MARK1: variants seen among roughly 807,000 people sequenced by gnomAD.
MARK1 encodes the protein microtubule affinity regulating kinase 1.
In MARK1, 40 loss-of-function variants were observed where a neutral mutation model predicts 96.3. That is an observed-to-expected ratio of 0.42 (90% CI 0.32 to 0.54). MARK1 has a LOEUF of 0.54. Ranked by LOEUF, MARK1 falls within the 20% of genes least tolerant of loss-of-function variation. The pLI is 0.16. For synonymous variants in MARK1, 317 were observed against 341.2 expected (o/e 0.93, Z 0.78); for missense variants, 719 against 984.6 (o/e 0.73, Z 3.61).
intron 13 of MARK1, among the ~76,000 whole-genome samples, chr1:220,649,182 G>T (rs981283497): frequency 6.6e-6 from 1 of 151,836 alleles, no homozygotes; most frequent in African/African-American, 2.4e-5. Context: ...TAATGCGTCT[G>T]CATAATCGAA....
chr1:220,605,560 C>A (rs1364462557), intron 6 of MARK1, among the ~76,000 whole-genome samples: 2 of 151,470 alleles, frequency 1.3e-5, no homozygotes, highest in African/African-American at 2.4e-5. Flanking sequence ...TACATGTGCA[C>A]AACATGCAGG....
intron 9 of MARK1, chr1:220,626,338 G>A (rs2102991766): frequency 1.8e-6 from 1 of 548,584 alleles, no homozygotes; most frequent in Admixed American, 1.9e-5. Context: ...TCCTAAGTAG[G>A]GAGAGAACTT....
chr1:220,587,312 CCTCT>C (rs1437197304), intron 3 of MARK1, among the ~76,000 whole-genome samples: 8 of 127,840 alleles, frequency 6.3e-5, no homozygotes, highest in South Asian at 3.0e-4. Flanking sequence ...TCCCTCCCTC[CCTCT>C]CTCTCTCTTT....
chr1:220,543,817 A>G (rs1490440473), intron 1 of MARK1, among the ~76,000 whole-genome samples: 3 of 152,098 alleles, frequency 2.0e-5, no homozygotes, highest in African/African-American at 7.2e-5. Flanking sequence ...CTCCCTCCCA[A>G]TCTTTGTTCT....
chr1:220,575,086 G>A (rs1251423297), intron 1 of MARK1, among the ~76,000 whole-genome samples: 1 of 152,146 alleles, frequency 6.6e-6, no homozygotes, highest in African/African-American at 2.4e-5. Context: ...TTAAAGGCGG[G>A]GAAAATTCTC....
chr1:220,571,483 C>T (rs1558266611), intron 1 of MARK1, among the ~76,000 whole-genome samples: 1 of 152,124 alleles, frequency 6.6e-6, no homozygotes, highest in Non-Finnish European at 1.5e-5. Flanking sequence ...TCACTGACAA[C>T]ATCCACCATC....
intron 13 of MARK1, among the ~76,000 whole-genome samples, chr1:220,646,811 C>T (rs1046155122): frequency 1.3e-5 from 2 of 152,098 alleles, no homozygotes; most frequent in African/African-American, 4.8e-5. Context: ...GAAAGGAATC[C>T]CTATTTTAAC....
intron 10 of MARK1, among the ~76,000 whole-genome samples, chr1:220,631,777 A>G (rs1466451452): frequency 1.3e-5 from 2 of 152,162 alleles, no homozygotes; most frequent in African/African-American, 4.8e-5. Flanking sequence ...CAAATCTCCC[A>G]AAGAAGAGTC....
Position 220,578,773 on chromosome 1 carries a change from G to T in MARK1, c.52-581G>T, listed in dbSNP as rs190423004. On this transcript the variant is annotated intron_variant, in intron 1 of 17. Transcript: ENST00000366917. ...AACACCTTTATAGGAATAATGGTTT[G>T]TGAGGCTTCTGGCTGTATATTTACA... 2.1e-3 allele frequency among the ~76,000 whole-genome samples: 324 copies of T among 152,288 alleles called. 1 individual carries two copies. The highest frequency in any genetic ancestry group is 7.4e-3 in the African/African-American group (306 of 41,562).
intron 3 of MARK1, among the ~76,000 whole-genome samples, chr1:220,589,341 G>A (rs920881900): frequency 6.6e-6 from 1 of 152,150 alleles, no homozygotes; most frequent in Non-Finnish European, 1.5e-5. Flanking sequence ...AAGAGTGCTA[G>A]CAGAGGAATG....
chr1:220,549,129 T>C (rs923847405), intron 1 of MARK1, among the ~76,000 whole-genome samples: 2 of 152,174 alleles, frequency 1.3e-5, no homozygotes, highest in African/African-American at 4.8e-5. Flanking sequence ...ACAATTCAGA[T>C]GTAGAGGCAG....
chr1:220,637,289 T>C (rs1405116383), intron 13 of MARK1, among the ~76,000 whole-genome samples: 2 of 152,188 alleles, frequency 1.3e-5, no homozygotes, highest in African/African-American at 4.8e-5. Context: ...AAACTCTGAA[T>C]AGTATCCAGG....
intron 9 of MARK1, chr1:220,626,842 G>T (rs989747940): frequency 2.5e-6 from 1 of 405,042 alleles, no homozygotes; most frequent in South Asian, 2.2e-5. Flanking sequence ...AAAGGGTTGA[G>T]GGGGGCATGC....
chr1:220,661,032 C>T (rs1484882830), intron 17 of MARK1, among the ~76,000 whole-genome samples: 1 of 152,170 alleles, frequency 6.6e-6, no homozygotes, highest in African/African-American at 2.4e-5. Flanking sequence ...TTGAAAAAAG[C>T]AAAGGAGTTA....
intron 1 of MARK1, among the ~76,000 whole-genome samples, chr1:220,552,585 ATAAAAT>A (rs1407511693): frequency 6.6e-6 from 1 of 152,188 alleles, no homozygotes; most frequent in African/African-American, 2.4e-5. Flanking sequence ...TTTATTTGCT[ATAAAAT>A]GAGTTCGTTG....
At chr1:220,605,127 G>A (rs1230233611) in intron 6 of MARK1, among the ~76,000 whole-genome samples, 4 of 152,098 alleles carry the variant, frequency 2.6e-5, no homozygotes, top group Non-Finnish European at 5.9e-5. Flanking sequence ...AGGGAGGGGA[G>A]GAAAAAGCCT....
intron 1 of MARK1, among the ~76,000 whole-genome samples, chr1:220,572,843 C>T (rs1054998226): frequency 6.6e-6 from 1 of 152,110 alleles, no homozygotes; most frequent in Non-Finnish European, 1.5e-5. Context: ...TGTCTGTTGG[C>T]AACAAATTCT....
intron 13 of MARK1, among the ~76,000 whole-genome samples, chr1:220,642,406 C>T (rs1668324926): frequency 6.6e-6 from 1 of 152,144 alleles, no homozygotes; most frequent in Non-Finnish European, 1.5e-5. Flanking sequence ...GGACCTGGAT[C>T]CATCCCTCGT....
chr1:220,621,920 TA>T (rs1667072759), intron 9 of MARK1, among the ~76,000 whole-genome samples: 1 of 152,212 alleles, frequency 6.6e-6, no homozygotes, highest in Non-Finnish European at 1.5e-5. Flanking sequence ...TTAAATGCCT[TA>T]TTTATCATCT....
Sources: gnomAD v4.1 joint callset for allele counts (sites outside exome capture counted in the v4.1 genomes callset) on GRCh38, gnomAD v4.1.1 for gene constraint, MANE v1.5 for transcripts, NCBI Gene and HGNC (gene_info 2026-07-23, HGNC 2026-07-21) for gene names.